Variants in DCAF5 observed in about 807,000 individuals in gnomAD.
DCAF5 encodes DDB1 and CUL4 associated factor 5.
Under a neutral mutation model 80.7 loss-of-function variants are expected in DCAF5, and 9 were observed. The observed-to-expected ratio is 0.11, with a 90% confidence interval of 0.07 to 0.19. The LOEUF is 0.19. DCAF5 is among the 10% of genes least tolerant of loss of function. The probability of loss-of-function intolerance (pLI) is 1.00; values close to 1 mark genes in which losing one functional copy is unlikely to be tolerated. For synonymous variants in DCAF5, 433 were observed against 461.9 expected, an observed-to-expected ratio of 0.94 and a Z score of 0.80; for missense variants, 842 against 1,205.7, an observed-to-expected ratio of 0.70 and a Z score of 4.47.
chr14:69,120,943 T>C (rs1595035484), intron 2 of DCAF5, among the ~76,000 whole-genome samples: 1 of 152,302 alleles, frequency 6.6e-6, no homozygotes. Flanking sequence ...TGAAAGTACA[T>C]GGAGAAGGAG....
At chr14:69,122,841 T>C (rs945895466) in intron 1 of DCAF5, among the ~76,000 whole-genome samples, 3 of 149,784 alleles carry the variant, frequency 2.0e-5, no homozygotes, top group East Asian at 2.1e-4. Context: ...ACCATACAAA[T>C]GATAACTAAG....
chr14:69,151,772 G>T (rs1318803899), intron 1 of DCAF5, among the ~76,000 whole-genome samples: 2 of 152,274 alleles, frequency 1.3e-5, no homozygotes, highest in African/African-American at 2.4e-5. Context: ...GGCCCGCGGG[G>T]CCCGGGCCTC....
intron 1 of DCAF5, among the ~76,000 whole-genome samples, chr14:69,139,753 C>T (rs1362040022): frequency 6.7e-6 from 1 of 150,316 alleles, no homozygotes; most frequent in Non-Finnish European, 1.5e-5. Context: ...GAGGTGGCGA[C>T]TGCAGTGAGT....
Position 69,053,815 on chromosome 14 carries a change from G to A in DCAF5, c.*42C>T, listed in dbSNP as rs199823757. ...TTCACTAAACAATTTTTTTTTTTTT[G>A]TAAGGCTACTTTTGTAGCTTTTTGT... On this transcript the variant is annotated 3_prime_UTR_variant, in exon 9 of 9. Transcript: ENST00000341516. The A allele has an allele frequency of 1.6e-6, 2 of 1,287,696 alleles. No homozygotes were observed. The highest frequency in any genetic ancestry group is 2.8e-5 in the East Asian group (1 of 35,718). The allele number at this position is 1,287,696 out of a possible 1,614,324, so 79.8% of individuals were successfully genotyped here.
Position 69,055,172 on chromosome 14 carries a change from T to C in DCAF5, c.1514A>G (p.Asp505Gly), listed in dbSNP as rs1213139061. 1.2e-6 allele frequency: 2 copies of C among 1,614,110 alleles called. No homozygotes were observed. Among genetic ancestry groups the C allele is most frequent in the African/African-American group, 2.7e-5 (2 of 74,946 alleles). ...CAGACGCTGCTGGCGAGAGGCTGCATCCTCACACGTGGGTGTTGGTGGAGT... is the reference window on the plus strand; with the variant it reads ...CAGACGCTGCTGGCGAGAGGCTGCACCCTCACACGTGGGTGTTGGTGGAGT... ...ASTPPTPTCE[D>G]AASRQQRLSA... is the part of the protein sequence containing the mutation. Residue 505 changes from aspartate (D) to glycine (G), a missense_variant, in exon 9 of 9, where the codon GAT becomes GGT. Asp to Gly is a moderately conservative substitution (Grantham distance 94). This residue lies in a region of DCAF5 where 607 missense variants were observed against 656.6 expected (regional missense o/e 0.92). Transcript: ENST00000341516. This position sits in a 1 kb window ranked among gnomAD's most constrained non-coding sequence, Gnocchi z 5.6.
rs976787365 is a variant in DCAF5, at chr14:69,153,043, C to T, written c.-65G>A. ...CCCTCGGCCTCACGCGCGGCCGCTG[C>T]TCCCCCCACCCGGCCCTCCCCCCGC... On this transcript the variant is annotated 5_prime_UTR_variant, in exon 1 of 9. Transcript: ENST00000341516. 216 of 1,271,366 alleles carry T rather than the reference C, an allele frequency of 1.7e-4. No individual in the cohort carries two copies. Among genetic ancestry groups the T allele is most frequent in the Middle Eastern group, 2.8e-4 (1 of 3,542 alleles). 78.8% of individuals were successfully genotyped at this position (1,271,366 alleles called of 1,614,324 possible). A position where few individuals can be genotyped will look rare whatever the true frequency, so the allele number is the denominator to read the frequency against.
chr14:69,089,948 A>G, intron 6 of DCAF5: 2 of 985,454 alleles, frequency 2.0e-6, no homozygotes, highest in Non-Finnish European at 2.4e-6. Flanking sequence ...AGGTGCTTAC[A>G]TGTTGGCTAG....
At chr14:69,072,427 AAG>A (rs1342649717) in intron 7 of DCAF5, among the ~76,000 whole-genome samples, 3 of 151,970 alleles carry the variant, frequency 2.0e-5, no homozygotes, top group African/African-American at 7.2e-5. Flanking sequence ...CAGAAAGAAA[AAG>A]AGAAGATTCA....
chr14:69,146,766 A>G (rs544266889), intron 1 of DCAF5, among the ~76,000 whole-genome samples: 5 of 152,354 alleles, frequency 3.3e-5, no homozygotes, highest in African/African-American at 1.2e-4. Flanking sequence ...TGTTGCACTA[A>G]TAAATAGATC....
At chr14:69,128,198 T>C (rs1256608854) in intron 1 of DCAF5, among the ~76,000 whole-genome samples, 2 of 151,508 alleles carry the variant, frequency 1.3e-5, no homozygotes, top group African/African-American at 2.4e-5. Flanking sequence ...TTCTTCTTTT[T>C]TTTTTTTTTT....
intron 1 of DCAF5, among the ~76,000 whole-genome samples, chr14:69,122,886 C>G (rs193298260): frequency 4.6e-5 from 7 of 152,268 alleles, no homozygotes; most frequent in African/African-American, 1.7e-4. Flanking sequence ...AGGATCTAGA[C>G]AGAATATGGC....
At chr14:69,073,039 T>C (rs1232649513) in intron 7 of DCAF5, among the ~76,000 whole-genome samples, 1 of 152,228 alleles carries the variant, frequency 6.6e-6, no homozygotes, top group Non-Finnish European at 1.5e-5. Flanking sequence ...CACTGCATAG[T>C]GCATTTTAGA....
intron 5 of DCAF5, among the ~76,000 whole-genome samples, chr14:69,106,885 CA>C (rs1484511724): frequency 1.3e-5 from 2 of 151,646 alleles, no homozygotes; most frequent in Non-Finnish European, 2.9e-5. Context: ...ACTAAAAATA[CA>C]AAAAAATTAA....
At chr14:69,112,965 A>C (rs1025286610) in intron 5 of DCAF5, among the ~76,000 whole-genome samples, 2 of 152,078 alleles carry the variant, frequency 1.3e-5, no homozygotes, top group Non-Finnish European at 2.9e-5. Context: ...TCTTATTCTT[A>C]ATCTGTACAA....
intron 6 of DCAF5, chr14:69,089,112 A>G (rs1371192126): frequency 6.5e-6 from 1 of 152,686 alleles, no homozygotes; most frequent in Non-Finnish European, 1.5e-5. Flanking sequence ...GAAGTTGAAC[A>G]GGAAAAATCA....
chr14:69,064,869 G>A (rs1283925361), intron 7 of DCAF5, among the ~76,000 whole-genome samples: 6 of 152,166 alleles, frequency 3.9e-5, no homozygotes, highest in African/African-American at 7.2e-5. Context: ...CATAGTGTTT[G>A]AAAAGAAAGC....
At chr14:69,101,075 A>G (rs953047023) in intron 5 of DCAF5, among the ~76,000 whole-genome samples, 3 of 152,226 alleles carry the variant, frequency 2.0e-5, no homozygotes, top group South Asian at 2.1e-4. Context: ...CCTATGTTAC[A>G]CTGGAGGAGA....
intron 1 of DCAF5, among the ~76,000 whole-genome samples, chr14:69,151,771 G>T (rs931332182): frequency 6.6e-6 from 1 of 152,142 alleles, no homozygotes; most frequent in Non-Finnish European, 1.5e-5. Context: ...CGGCCCGCGG[G>T]GCCCGGGCCT....
chr14:69,057,191 C>T (rs1198736584), intron 8 of DCAF5, among the ~76,000 whole-genome samples: 1 of 152,026 alleles, frequency 6.6e-6, no homozygotes, highest in Non-Finnish European at 1.5e-5. Flanking sequence ...ATAAAATAAG[C>T]AGAATAAAAT....
Sources: gnomAD v4.1 joint callset for allele counts (sites outside exome capture counted in the v4.1 genomes callset) on GRCh38, gnomAD v4.1.1 for gene constraint, gnomAD v4.1.1 regional missense constraint, Gnocchi (gnomAD v3.1) non-coding constraint, MANE v1.5 for transcripts, NCBI Gene and HGNC (gene_info 2026-07-23, HGNC 2026-07-21) for gene names.